Variants in RAPGEF1 observed in about 807,000 individuals in gnomAD.
RAPGEF1 encodes Rap guanine nucleotide exchange factor 1.
In RAPGEF1, 33 loss-of-function variants were observed where a neutral mutation model predicts 143.3. The observed-to-expected ratio is 0.23, with a 90% CI of 0.17 to 0.31. The LOEUF (loss-of-function observed/expected upper bound fraction) is 0.31. Ranked by LOEUF, RAPGEF1 falls within the 10% of genes least tolerant of loss-of-function variation. The probability of loss-of-function intolerance (pLI) is 1.00; values close to 1 mark genes in which losing one functional copy is unlikely to be tolerated. For synonymous variants in RAPGEF1, 629 were observed against 676.5 expected (o/e 0.93, Z 1.09); for missense variants, 1,199 against 1,645.4 (o/e 0.73, Z 4.69).
At chr9:131,606,408 T>C (rs774840375) in intron 12 of RAPGEF1, among the ~76,000 whole-genome samples, 1 of 152,178 alleles carries the variant, frequency 6.6e-6, no homozygotes, top group Non-Finnish European at 1.5e-5. Context: ...CTTGCAGATA[T>C]GGGTGAATGA....
intron 1 of RAPGEF1, among the ~76,000 whole-genome samples, chr9:131,692,340 C>T (rs1833841258): frequency 6.6e-6 from 1 of 152,236 alleles, no homozygotes; most frequent in Non-Finnish European, 1.5e-5. Flanking sequence ...GATTGTAGCC[C>T]TGTTCGTTGT....
rs554323480 is a variant in RAPGEF1 at position 131,605,476 on chromosome 9, G to C, written c.2062-288C>G. The stretch of plus-strand genomic sequence containing the variant: ...GCTCAAGTGGCCACATGCTCTGCTG[G>C]GACAGAAAATAAAACCTGCGTGGCC... On this transcript the variant is annotated intron_variant, in intron 12 of 26. Transcript: ENST00000683357. 1.8e-4 allele frequency among the ~76,000 whole-genome samples: 28 copies of C among 152,240 alleles called. No homozygotes were observed. In the East Asian group the frequency reaches 5.4e-3, roughly 29 times the overall value.
chr9:131,615,609 G>T (rs1316730043), intron 12 of RAPGEF1, among the ~76,000 whole-genome samples: 1 of 152,150 alleles, frequency 6.6e-6, no homozygotes, highest in Non-Finnish European at 1.5e-5. Context: ...TGGAGTGGAG[G>T]TTCTGGGGAG....
At chr9:131,592,269 G>A (rs899463722) in intron 17 of RAPGEF1, 86 bp from the exon 18 acceptor site, 4 of 1,086,432 alleles carry the variant, frequency 3.7e-6, no homozygotes, top group Non-Finnish European at 5.6e-6. Flanking sequence ...TCCTTGCTCT[G>A]AGAGAGGCAG....
Position 131,667,293 on chromosome 9 carries a change from G to A in RAPGEF1, c.62-16344C>T, listed in dbSNP as rs1402568536. Among the ~76,000 whole-genome samples, 2 of 152,032 alleles carry A rather than the reference G, an allele frequency of 1.3e-5. No homozygotes were observed. The highest frequency in any genetic ancestry group is 1.3e-4 in the Admixed American group (2 of 15,270). On this transcript the variant is annotated intron_variant, in intron 1 of 26. Transcript: ENST00000683357. The surrounding 1 kb of genome is among the most constrained non-coding windows in gnomAD (Gnocchi z 4.6). Reference sequence around the variant, plus strand: ...GGTGTGAGCCACTGCGCCCAGCCAAGGCATTCTTATTACCACTCAACAGAT... The same window carrying A: ...GGTGTGAGCCACTGCGCCCAGCCAAAGCATTCTTATTACCACTCAACAGAT...
intron 1 of RAPGEF1, among the ~76,000 whole-genome samples, chr9:131,673,215 T>C (rs1321047289): frequency 1.3e-5 from 2 of 152,172 alleles, no homozygotes; most frequent in African/African-American, 4.8e-5. Flanking sequence ...CTATTTGCAA[T>C]CAGAAGAAAG....
chr9:131,580,430 G>C (rs1287366168), intron 25 of RAPGEF1, 39 bp from the exon 26 acceptor site: 2 of 1,602,084 alleles, frequency 1.2e-6, no homozygotes, highest in African/African-American at 2.7e-5. Context: ...CTGCTACGGG[G>C]TTTGGAAGCA....
chr9:131,733,684 C>T (rs919443440), intron 1 of RAPGEF1, among the ~76,000 whole-genome samples: 7 of 152,150 alleles, frequency 4.6e-5, no homozygotes, highest in African/African-American at 1.4e-4. Context: ...GAGGCGGCCG[C>T]GGGGTGGGGC....
intron 5 of RAPGEF1, among the ~76,000 whole-genome samples, chr9:131,634,195 G>A (rs1390627411): frequency 6.6e-6 from 1 of 152,140 alleles, no homozygotes; most frequent in Non-Finnish European, 1.5e-5. Flanking sequence ...GGAGGTTGCA[G>A]TGAGCAAGAT....
At chr9:131,595,322 TTTTTCTCTAA>T (rs1258772089) in intron 17 of RAPGEF1, among the ~76,000 whole-genome samples, 42 of 152,332 alleles carry the variant, frequency 2.8e-4, no homozygotes, top group African/African-American at 1.0e-3. Context: ...CCATCTCTTC[TTTTTCTCTAA>T]TTTTCTGCAA....
intron 6 of RAPGEF1, among the ~76,000 whole-genome samples, chr9:131,629,619 T>C (rs1023400720): frequency 6.6e-6 from 1 of 152,048 alleles, no homozygotes; most frequent in African/African-American, 2.4e-5. Flanking sequence ...GGTGAAACCC[T>C]GTCTCTACTA....
rs879022556 is a variant in RAPGEF1 at position 131,619,062 on chromosome 9, G to A, written c.2050C>T (p.Pro684Ser). Residue 684 changes from proline to serine, a missense_variant, in exon 12 of 27, where the codon CCC becomes TCC. Physicochemically the swap from Pro to Ser is moderately conservative, Grantham distance 74. Coordinates refer to ENST00000683357, the MANE Select transcript of RAPGEF1 (RefSeq NM_001377935.1). ...NSFLSRHGSL[P>S]VPSYKSVFRS... ...AGGGAGCAACTCACCGAGGGCACGG[G>A]CAAGCTGCCGTGCCGGCTGAGAAAG... 1 of 1,358,762 alleles carries A rather than the reference G, an allele frequency of 7.4e-7. No individual in the cohort carries two copies. The highest frequency in any genetic ancestry group is 9.8e-7 in the Non-Finnish European group (1 of 1,018,798). 84.2% of individuals were successfully genotyped at this position (1,358,762 alleles called of 1,614,324 possible).
intron 1 of RAPGEF1, among the ~76,000 whole-genome samples, chr9:131,671,951 G>A (rs561032210): frequency 2.6e-5 from 4 of 152,336 alleles, no homozygotes; most frequent in East Asian, 3.9e-4. Flanking sequence ...ATCGTTTCAC[G>A]AAACTTAATC....
At chr9:131,720,415 C>T (rs554228794) in intron 1 of RAPGEF1, among the ~76,000 whole-genome samples, 1 of 152,174 alleles carries the variant, frequency 6.6e-6, no homozygotes, top group African/African-American at 2.4e-5. Context: ...CCAAAGATAC[C>T]CCCCACCTCT....
chr9:131,704,205 C>T lies in RAPGEF1; in HGVS notation c.61+35565G>A, dbSNP rs544869252. Among the ~76,000 whole-genome samples, 5 of 151,220 alleles carry T rather than the reference C, an allele frequency of 3.3e-5. No homozygotes were observed. The South Asian group carries it at 6.3e-4, about 19-fold the overall frequency. On this transcript the variant is annotated intron_variant, in intron 1 of 26. Coordinates refer to ENST00000683357, the MANE Select transcript of RAPGEF1 (RefSeq NM_001377935.1). ...CCGGTGGTTATTGCAGCACCCAGCC[C>T]TTGTGCATTCTGGATCAATATTAAT...
intron 14 of RAPGEF1, among the ~76,000 whole-genome samples, chr9:131,603,298 G>A (rs1408758047): frequency 6.6e-6 from 1 of 152,254 alleles, no homozygotes; most frequent in Non-Finnish European, 1.5e-5. Flanking sequence ...CATGGGGGGA[G>A]CAATTTCTGA....
chr9:131,678,615 C>T (rs1053634906), intron 1 of RAPGEF1, among the ~76,000 whole-genome samples: 14 of 152,156 alleles, frequency 9.2e-5, no homozygotes, highest in African/African-American at 2.7e-4. Flanking sequence ...AGAAGTGAGA[C>T]GGTGATCACA....
chr9:131,621,934 C>A lies in RAPGEF1; in HGVS notation c.1767G>T (p.Thr589=). ...SEPQPSMFYQ[T]PQNEHIYQQK... ...GCTGGTAGATGTGCTCGTTCTGTGG[C>A]GTCTGGTAGAACATAGAGGGCTGCG... Residue 589 remains threonine, a synonymous_variant, in exon 11 of 27, where the codon ACG becomes ACT. Transcript: ENST00000683357. This position sits in a 1 kb window ranked among gnomAD's most constrained non-coding sequence, Gnocchi z 4.5. The A allele has an allele frequency of 6.2e-7, 1 of 1,613,672 alleles. No homozygotes were observed. Among genetic ancestry groups the A allele is most frequent in the South Asian group, 1.1e-5 (1 of 91,004 alleles).
At chr9:131,652,441 G>T (rs1262671388) in intron 1 of RAPGEF1, among the ~76,000 whole-genome samples, 1 of 151,180 alleles carries the variant, frequency 6.6e-6, no homozygotes, top group African/African-American at 2.4e-5. Flanking sequence ...GTAGCGATGA[G>T]GTCTCACTAT....
Sources: gnomAD v4.1 joint callset for allele counts (sites outside exome capture counted in the v4.1 genomes callset) on GRCh38, gnomAD v4.1.1 for gene constraint, Gnocchi (gnomAD v3.1) non-coding constraint, MANE v1.5 for transcripts, NCBI Gene and HGNC (gene_info 2026-07-23, HGNC 2026-07-21) for gene names.